Variants in CPNE5 observed in about 807,000 individuals in gnomAD.
CPNE5 encodes the protein copine-5.
CPNE5 carries 42 observed loss-of-function variants against 81.1 expected under a neutral mutation model. The observed-to-expected ratio is 0.52, with a 90% CI of 0.40 to 0.67. The LOEUF (loss-of-function observed/expected upper bound fraction) is 0.67, where lower values mean the gene tolerates loss of function less well. Among genes scored for constraint, CPNE5 ranks in the 30% least tolerant of loss-of-function variants. The pLI is 0.00. For synonymous variants in CPNE5, 313 were observed against 321.5 expected, an observed-to-expected ratio of 0.97 and a Z score of 0.28; for missense variants, 612 against 815.5, an observed-to-expected ratio of 0.75 and a Z score of 3.04.
chr6:36,781,867 G>T (rs543566989), intron 8 of CPNE5, among the ~76,000 whole-genome samples: 7 of 152,134 alleles, frequency 4.6e-5, no homozygotes, highest in African/African-American at 1.4e-4. Flanking sequence ...GAGGTGACCC[G>T]CAGTGGCATC....
rs1767381330 is a variant in CPNE5, at chr6:36,775,058, T to C, written c.640A>G (p.Ile214Val). The change falls in exon 10 of 21, where the codon ATT becomes GTT. Residue 214 changes from isoleucine (I) to valine (V), a missense_variant. Physicochemically the swap from Ile to Val is conservative, Grantham distance 29. Coordinates refer to ENST00000244751, the MANE Select transcript of CPNE5 (RefSeq NM_020939.2). ...TTCATGACCTCGGTCTTGTGGCAAA[T>C]GGTGAACCTGGTGAAGAAGAAGAGA... ...YRSNEDGTFT[I>V]CHKTEVMKNT... 3.7e-6 allele frequency: 6 copies of C among 1,613,416 alleles called. No homozygotes were observed. The South Asian group carries it at 6.6e-5, about 18-fold the overall frequency.
chr6:36,758,663 G>A (rs1282185097), intron 12 of CPNE5, among the ~76,000 whole-genome samples: 1 of 152,214 alleles, frequency 6.6e-6, no homozygotes, highest in Non-Finnish European at 1.5e-5. Flanking sequence ...GGTGAGAACA[G>A]CGCTGTCAAG....
intron 7 of CPNE5, chr6:36,792,478 C>T (rs1466166025): frequency 1.0e-5 from 11 of 1,054,986 alleles, no homozygotes; most frequent in Non-Finnish European, 1.2e-5. Flanking sequence ...GGCTAGCCAC[C>T]CCACCTCACA....
chr6:36,799,103 C>G (rs1182210397), intron 4 of CPNE5, among the ~76,000 whole-genome samples: 1 of 152,162 alleles, frequency 6.6e-6, no homozygotes, highest in Non-Finnish European at 1.5e-5. Context: ...CACCTGGAGC[C>G]TCACCTGCAA....
intron 12 of CPNE5, chr6:36,757,380 T>C: frequency 2.0e-6 from 2 of 985,266 alleles, no homozygotes; most frequent in Non-Finnish European, 2.4e-6. Flanking sequence ...CGTGGTCTCT[T>C]CTGTCTGGGT....
chr6:36,825,753 G>A (rs762577773), intron 1 of CPNE5, among the ~76,000 whole-genome samples: 1 of 152,180 alleles, frequency 6.6e-6, no homozygotes, highest in Non-Finnish European at 1.5e-5. Flanking sequence ...TTTGGGGGTA[G>A]GGGTGTCTAT....
chr6:36,831,049 A>ATTTAT (rs1561830790), intron 1 of CPNE5, among the ~76,000 whole-genome samples: 1 of 151,680 alleles, frequency 6.6e-6, no homozygotes, highest in Non-Finnish European at 1.5e-5. Flanking sequence ...TTTTTATTTT[A>ATTTAT]TTTATTTTAT....
intron 1 of CPNE5, among the ~76,000 whole-genome samples, chr6:36,837,983 G>A (rs1437995835): frequency 6.6e-6 from 1 of 152,054 alleles, no homozygotes; most frequent in Non-Finnish European, 1.5e-5. Flanking sequence ...TGATCCTGAC[G>A]GCATGGTGTA....
intron 20 of CPNE5, 79 bp from the exon 21 acceptor site, chr6:36,742,565 TCCCCA>T: frequency 8.6e-7 from 1 of 1,165,108 alleles, no homozygotes; most frequent in Non-Finnish European, 1.2e-6. Flanking sequence ...TGGGGTTGCA[TCCCCA>T]CCCCCCTCCC....
In CPNE5 at chr6:36,746,501, G is replaced by A. The variant is rs200491635; in HGVS notation, c.1095C>T (p.Ala365=). 16 of 1,613,708 alleles carry A rather than the reference G, an allele frequency of 9.9e-6. No individual in the cohort carries two copies. In the East Asian group the frequency reaches 1.1e-4, roughly 11 times the overall value. ...QLNAYALALT[A]VGEIIQHYDS... ...CGTAGTGCTGGATGATCTCTCCGAC[G>A]GCAGTCAGCGCCAGCGCGTAGGCGT... Residue 365 remains alanine (A), a synonymous_variant, in exon 16 of 21, where the codon GCC becomes GCT. Transcript: ENST00000244751. The surrounding 1 kb of genome is among the most constrained non-coding windows in gnomAD (Gnocchi z 4.5).
chr6:36,777,073 C>G (rs747007765), intron 9 of CPNE5, among the ~76,000 whole-genome samples: 1 of 152,202 alleles, frequency 6.6e-6, no homozygotes, highest in Non-Finnish European at 1.5e-5. Flanking sequence ...TGGAATGAAA[C>G]TTGCCCCCAA....
intron 12 of CPNE5, among the ~76,000 whole-genome samples, chr6:36,762,350 A>T (rs998909057): frequency 8.6e-5 from 13 of 151,112 alleles, no homozygotes; most frequent in African/African-American, 3.2e-4. Flanking sequence ...ATACATGCTC[A>T]CACACACACA....
intron 1 of CPNE5, among the ~76,000 whole-genome samples, chr6:36,826,652 C>G (rs1772527339): frequency 6.6e-6 from 1 of 152,198 alleles, no homozygotes; most frequent in South Asian, 2.1e-4. Flanking sequence ...ACAGGCCAGC[C>G]TAGCACCTGA....
chr6:36,773,923 G>A (rs549059365), intron 10 of CPNE5, among the ~76,000 whole-genome samples: 62 of 152,152 alleles, frequency 4.1e-4, no homozygotes, highest in South Asian at 1.7e-3. Context: ...AAAATTAGCC[G>A]GGCGTGGTGG....
At chr6:36,839,914 A>G (rs1224315333), upstream of CPNE5, 2 of 151,110 alleles carry the variant, frequency 1.3e-5, no homozygotes, top group African/African-American at 2.4e-5. The surrounding 1 kb of genome is among the most constrained non-coding windows in gnomAD (Gnocchi z 7.3). Flanking sequence ...GCCGGCGGCG[A>G]CGGGGCTGAG....
At chr6:36,765,430 G>T in intron 10 of CPNE5, 54 bp from the exon 11 acceptor site, 4 of 1,606,746 alleles carry the variant, frequency 2.5e-6, no homozygotes, top group Non-Finnish European at 3.4e-6. Flanking sequence ...CCACGTGGCT[G>T]AGGATGGGGC....
intron 12 of CPNE5, among the ~76,000 whole-genome samples, chr6:36,762,672 G>A (rs994371228): frequency 2.0e-5 from 3 of 152,232 alleles, no homozygotes; most frequent in African/African-American, 7.2e-5. Flanking sequence ...ACTATAACTC[G>A]GTGATTTGGA....
Position 36,746,147 on chromosome 6 carries a change from C to T in CPNE5, c.1200+249G>A, listed in dbSNP as rs1043795915. ...CACAGCTCGCCTCCACCTGCACCTG[C>T]GTCTTGTCAGGAACAAGGAAGCCAG... On this transcript the variant is annotated intron_variant, in intron 16 of 20. Coordinates refer to ENST00000244751, the MANE Select transcript of CPNE5 (RefSeq NM_020939.2). The surrounding 1 kb of genome is among the most constrained non-coding windows in gnomAD (Gnocchi z 4.5). The T allele has an allele frequency of 1.1e-5, 11 of 985,130 alleles. No homozygotes were observed. Among genetic ancestry groups the T allele is most frequent in the African/African-American group, 1.7e-5 (1 of 57,208 alleles). 61.0% of individuals were successfully genotyped at this position (985,130 alleles called of 1,614,324 possible).
At chr6:36,808,853 G>A (rs1430024235) in intron 3 of CPNE5, among the ~76,000 whole-genome samples, 1 of 152,230 alleles carries the variant, frequency 6.6e-6, no homozygotes, top group Admixed American at 6.5e-5. Flanking sequence ...ATTAAGATAA[G>A]GCTCAGAGAG....
Sources: gnomAD v4.1 joint callset for allele counts (sites outside exome capture counted in the v4.1 genomes callset) on GRCh38, gnomAD v4.1.1 for gene constraint, Gnocchi (gnomAD v3.1) non-coding constraint, MANE v1.5 for transcripts, NCBI Gene and HGNC (gene_info 2026-07-23, HGNC 2026-07-21) for gene names.